ECI1: variants seen among roughly 807,000 people sequenced by gnomAD.
ECI1 encodes the protein enoyl-CoA delta isomerase 1, mitochondrial.
In ECI1, 34 loss-of-function variants were observed where a neutral mutation model predicts 34.2. That is an observed-to-expected ratio of 1.00 (90% CI 0.76 to 1.33). The LOEUF is 1.33. Ranked by LOEUF, ECI1 falls within the 40% of genes most tolerant of loss-of-function variation. The pLI is 0.00. For synonymous variants in ECI1, 211 were observed against 193.0 expected (o/e 1.09, Z -0.77); for missense variants, 456 against 422.2 (o/e 1.08, Z -0.70).
At chr16:2,244,251 G>T in intron 4 of ECI1, 155 bp downstream of exon 4, 1 of 896,808 alleles carries the variant, frequency 1.1e-6, no homozygotes, top group Non-Finnish European at 1.7e-6. Flanking sequence ...AACACGCCCC[G>T]TGGTCTGCGA....
chr16:2,250,906 C>G (rs2093551749), intron 2 of ECI1, among the ~76,000 whole-genome samples: 1 of 149,790 alleles, frequency 6.7e-6, no homozygotes, highest in Non-Finnish European at 1.5e-5. Flanking sequence ...ACTGCAGCCT[C>G]CACCTCCCAG....
At chr16:2,245,880 G>A (rs367814034) in intron 3 of ECI1, among the ~76,000 whole-genome samples, 46 of 152,132 alleles carry the variant, frequency 3.0e-4, no homozygotes, top group African/African-American at 8.9e-4. Context: ...TTCAAGAATC[G>A]CTTGAACCCA....
At chr16:2,243,501 C>G (rs2093533348) in intron 4 of ECI1, 62 bp from the exon 5 acceptor site, 1 of 1,597,926 alleles carries the variant, frequency 6.3e-7, no homozygotes, top group Admixed American at 1.7e-5. Context: ...TTCCAGAGGG[C>G]CAGGTCCAAG....
intron 5 of ECI1, 22 bp from the exon 6 acceptor site, chr16:2,243,246 C>CTGCGGGTGGCCCAG: frequency 6.2e-7 from 1 of 1,612,982 alleles, no homozygotes; most frequent in Admixed American, 1.7e-5. Flanking sequence ...GACACCCACT[C>CTGCGGGTGGCCCAG]ACCACATGGC....
chr16:2,240,602 G>A (rs927084828), intron 6 of ECI1: 6 of 180,632 alleles, frequency 3.3e-5, no homozygotes, highest in Non-Finnish European at 7.1e-5. Flanking sequence ...ACTCACTGCA[G>A]CCTTGAATCC....
intron 3 of ECI1, among the ~76,000 whole-genome samples, chr16:2,245,177 A>T (rs567499851): frequency 2.0e-5 from 3 of 152,188 alleles, no homozygotes; most frequent in African/African-American, 7.2e-5. Context: ...CACCCTGGGG[A>T]CCCTGCATGG....
chr16:2,251,516 C>A lies in ECI1; in HGVS notation c.51G>T (p.Ala17=). Reference sequence around the variant, plus strand: ...CCCTGCCCACCCCGGGTTTCGCACCCGCGCGGAGCAGAACGCGCGCCGGGA... The same window carrying A: ...CCCTGCCCACCCCGGGTTTCGCACCAGCGCGGAGCAGAACGCGCGCCGGGA... ...VRVPARVLLR[A]GARLPGAALG... Residue 17 remains alanine, a splice_region_variant and synonymous_variant, in exon 1 of 7, where the codon GCG becomes GCT. Coordinates refer to ENST00000301729, the MANE Select transcript of ECI1 (RefSeq NM_001919.4). 6.4e-7 allele frequency: 1 copy of A among 1,559,702 alleles called. No individual in the cohort carries two copies. The highest frequency in any genetic ancestry group is 1.2e-5 in the South Asian group (1 of 84,636).
chr16:2,249,714 A>G (rs1290657335), intron 2 of ECI1, among the ~76,000 whole-genome samples: 2 of 145,518 alleles, frequency 1.4e-5, no homozygotes, highest in Admixed American at 6.8e-5. Context: ...CACTAAAAAT[A>G]CCAAAAAAAA....
chr16:2,244,242 A>C, intron 4 of ECI1, 164 bp downstream of exon 4: 1 of 844,110 alleles, frequency 1.2e-6, no homozygotes, highest in Non-Finnish European at 1.9e-6. Context: ...ACCTTTCTCA[A>C]CACGCCCCGT....
chr16:2,246,808 G>C (rs1390900722), intron 3 of ECI1, 51 bp downstream of exon 3: 1 of 1,610,542 alleles, frequency 6.2e-7, no homozygotes, highest in African/African-American at 1.3e-5. Flanking sequence ...TCACATCAGA[G>C]AACTCAGGCC....
At chr16:2,246,794 G>A (rs936689695) in intron 3 of ECI1, 65 bp downstream of exon 3, 2 of 1,608,246 alleles carry the variant, frequency 1.2e-6, no homozygotes, top group Admixed American at 3.3e-5. Context: ...CAACAGGCCT[G>A]GGCTCACATC....
At position 2,240,029 on chromosome 16, in the gene ECI1, G is replaced by C. The variant is rs765188371; in HGVS notation, c.859C>G (p.Gln287Glu). The C allele has an allele frequency of 1.4e-5, 22 of 1,614,006 alleles. No homozygotes were observed. The highest frequency in any genetic ancestry group is 1.7e-5 in the Non-Finnish European group (20 of 1,180,012). The stretch of plus-strand genomic sequence containing the variant: ...TCTAAGTACATCTGCAGGGACTTCT[G>C]GATGGAGTCTTTGGAGATGAAGCTG... ...FVSFISKDSI[Q>E]KSLQMYLERL... Residue 287 changes from glutamine to glutamate, a missense_variant, in exon 7 of 7, where the codon CAG becomes GAG. Coordinates refer to ENST00000301729, the MANE Select transcript of ECI1 (RefSeq NM_001919.4).
chr16:2,249,876 CAA>C (rs869259386), intron 2 of ECI1, among the ~76,000 whole-genome samples: 14 of 20,338 alleles, frequency 6.9e-4, no homozygotes, highest in African/African-American at 3.5e-3. Context: ...GACTCCGTCT[CAA>C]AAAAAAAAAA....
At chr16:2,240,342 G>A in intron 6 of ECI1, 197 bp from the exon 7 acceptor site, 1 of 555,400 alleles carries the variant, frequency 1.8e-6, no homozygotes, top group Non-Finnish European at 3.2e-6. Flanking sequence ...CTCTTGAGTA[G>A]CTGGGATTAC....
At chr16:2,243,283 C>G in intron 5 of ECI1, 35 bp downstream of exon 5, 1 of 1,613,452 alleles carries the variant, frequency 6.2e-7, no homozygotes, top group East Asian at 2.2e-5. Flanking sequence ...CCCTCCACAA[C>G]AAGCATGGAG....
intron 2 of ECI1, among the ~76,000 whole-genome samples, chr16:2,249,949 T>C (rs937015149): frequency 4.2e-5 from 6 of 143,478 alleles, no homozygotes; most frequent in Non-Finnish European, 6.0e-5. Flanking sequence ...CTGACTGAGA[T>C]TGCAGTGAGC....
At chr16:2,250,300 T>C (rs2093550321) in intron 2 of ECI1, among the ~76,000 whole-genome samples, 1 of 148,064 alleles carries the variant, frequency 6.8e-6, no homozygotes, top group Admixed American at 6.7e-5. Context: ...AGTTTGAAGT[T>C]GGTCTTAGTT....
chr16:2,244,643 C>T (rs551647547), intron 3 of ECI1, 91 bp from the exon 4 acceptor site: 2 of 1,383,530 alleles, frequency 1.4e-6, no homozygotes, highest in African/African-American at 2.9e-5. Flanking sequence ...GTGCACGACG[C>T]ACAGCAGGGC....
At position 2,240,381 on chromosome 16, in the gene ECI1, T is replaced by G. The variant is rs148046514; in HGVS notation, c.743-236A>C. 4.1e-4 allele frequency: 198 copies of G among 480,434 alleles called. 1 individual carries two copies. Among genetic ancestry groups the G allele is most frequent in the African/African-American group, 3.7e-3 (189 of 50,734 alleles). 29.8% of individuals were successfully genotyped at this position (480,434 alleles called of 1,614,324 possible). ...CGTGTGCCACCACACCCGGCTAATT[T>G]TGTATTTTTAGTAGAGATGGGATTT... On this transcript the variant is annotated intron_variant, in intron 6 of 6. Coordinates refer to ENST00000301729, the MANE Select transcript of ECI1 (RefSeq NM_001919.4).
Sources: gnomAD v4.1 joint callset for allele counts (sites outside exome capture counted in the v4.1 genomes callset) on GRCh38, gnomAD v4.1.1 for gene constraint, MANE v1.5 for transcripts, NCBI Gene and HGNC (gene_info 2026-07-23, HGNC 2026-07-21) for gene names.